ITGA4: variants seen among roughly 807,000 people sequenced by gnomAD.
The protein encoded by ITGA4 is integrin alpha-4.
In ITGA4, 63 loss-of-function variants were observed where a neutral mutation model predicts 133.6. The ratio of observed to expected loss-of-function variants is 0.47; its 90% CI spans 0.38 to 0.58. The LOEUF (loss-of-function observed/expected upper bound fraction) is 0.58, where lower values mean the gene tolerates loss of function less well. Among genes scored for constraint, ITGA4 ranks in the 20% least tolerant of loss-of-function variants. The pLI, the probability that ITGA4 is intolerant of heterozygous loss-of-function variation, is 0.00. For missense variants in ITGA4, 1,076 were observed against 1,252.7 expected, an observed-to-expected ratio of 0.86 and a Z score of 2.13; for synonymous variants, 483 against 438.0, an observed-to-expected ratio of 1.10 and a Z score of -1.28.
chr2:181,477,159 C>T (rs907736728), intron 4 of ITGA4, among the ~76,000 whole-genome samples: 1 of 152,032 alleles, frequency 6.6e-6, no homozygotes, highest in Non-Finnish European at 1.5e-5. Flanking sequence ...AATTGGCTAT[C>T]TGCGTGCAAA....
Position 181,534,272 on chromosome 2 carries a change from G to T in ITGA4, c.2785G>T (p.Asp929Tyr), listed in dbSNP as rs1687005028. Residue 929 changes from aspartate to tyrosine, a missense_variant and splice_region_variant, in exon 26 of 28, where the codon GAT becomes TAT. This residue lies in a region of ITGA4 where 193 missense variants were observed against 172.3 expected (regional missense o/e 1.12). Coordinates refer to ENST00000397033, the MANE Select transcript of ITGA4 (RefSeq NM_000885.6). Reference sequence around the variant, plus strand: ...TGGTGATCCTTCTTTTATTAAACAGGATGAGACTTCAGCACTCAAGTTTGA... The same window carrying T: ...TGGTGATCCTTCTTTTATTAAACAGTATGAGACTTCAGCACTCAAGTTTGA... ...LEGRPSILEM[D>Y]ETSALKFEIR... 6.3e-7 allele frequency: 1 copy of T among 1,580,852 alleles called. No homozygotes were observed. The highest frequency in any genetic ancestry group is 8.7e-7 in the Non-Finnish European group (1 of 1,150,304).
chr2:181,518,965 A>G (rs1200284954), intron 17 of ITGA4, among the ~76,000 whole-genome samples: 1 of 152,062 alleles, frequency 6.6e-6, no homozygotes, highest in African/African-American at 2.4e-5. Context: ...TCTCTCCTAG[A>G]TAGAAACAAA....
chr2:181,506,935 A>G (rs982260139), intron 15 of ITGA4, among the ~76,000 whole-genome samples: 6 of 152,146 alleles, frequency 3.9e-5, no homozygotes, highest in Non-Finnish European at 8.8e-5. Context: ...CTCATCTAGC[A>G]TAATATAAAC....
chr2:181,460,181 G>A (rs1685234025), intron 2 of ITGA4, among the ~76,000 whole-genome samples: 1 of 152,128 alleles, frequency 6.6e-6, no homozygotes, highest in Non-Finnish European at 1.5e-5. Context: ...CAAAATTTTG[G>A]CCAATCTACA....
chr2:181,478,708 A>AT (rs1159016269), intron 4 of ITGA4, 49 bp from the exon 5 acceptor site: 3 of 807,066 alleles, frequency 3.7e-6, no homozygotes, highest in Non-Finnish European at 5.8e-6. Flanking sequence ...AATTATGGAG[A>AT]TTTTATCTTT....
intron 24 of ITGA4, among the ~76,000 whole-genome samples, chr2:181,531,095 A>G (rs1340592857): frequency 6.6e-6 from 1 of 151,908 alleles, no homozygotes; most frequent in Admixed American, 6.6e-5. Flanking sequence ...AGCCTGGGTG[A>G]CAGAGCAAGA....
rs199807136 is a variant in ITGA4 at position 181,537,125 on chromosome 2, A to T, written c.*1598A>T. ...AACTTTATGACATTTATGTATTTTT[A>T]AAAAACTTTGTATCGTTATAAAAAG... On this transcript the variant is annotated 3_prime_UTR_variant, in exon 28 of 28. Coordinates refer to ENST00000397033, the MANE Select transcript of ITGA4 (RefSeq NM_000885.6). 2.3e-4 allele frequency: 102 copies of T among 453,154 alleles called. No homozygotes were observed. Among genetic ancestry groups the T allele is most frequent in the South Asian group, 1.3e-3 (85 of 64,308 alleles). The allele number at this position is 453,154 out of a possible 1,614,324, so 28.1% of individuals were successfully genotyped here. A position where few individuals can be genotyped will look rare whatever the true frequency, so the allele number is the denominator to read the frequency against.
intron 16 of ITGA4, 110 bp downstream of exon 16, chr2:181,509,917 A>T: frequency 1.4e-6 from 1 of 732,378 alleles, no homozygotes; most frequent in Non-Finnish European, 2.2e-6. Flanking sequence ...TAAAAATACG[A>T]ATTTTTAAAA....
intron 27 of ITGA4, 50 bp from the exon 28 acceptor site, chr2:181,535,382 A>C: frequency 7.2e-7 from 1 of 1,385,200 alleles, no homozygotes; most frequent in East Asian, 2.3e-5. Context: ...TATAGTAGAT[A>C]AGAGAGTGTT....
chr2:181,519,583 G>T (rs544729447), intron 17 of ITGA4, among the ~76,000 whole-genome samples: 2 of 152,166 alleles, frequency 1.3e-5, no homozygotes, highest in South Asian at 4.1e-4. Context: ...ATATTCCGAG[G>T]TTCATAAGAA....
At chr2:181,460,087 T>A (rs1685231680) in intron 2 of ITGA4, among the ~76,000 whole-genome samples, 1 of 152,202 alleles carries the variant, frequency 6.6e-6, no homozygotes, top group Non-Finnish European at 1.5e-5. Context: ...GATGAATGAA[T>A]AAAAGTGGAG....
rs1008305477 is a variant in ITGA4, at chr2:181,498,734, C to G, written c.1652C>G (p.Ser551Cys). The G allele has an allele frequency of 6.2e-7, 1 of 1,611,454 alleles. No individual in the cohort carries two copies. Among genetic ancestry groups the G allele is most frequent in the Non-Finnish European group, 8.5e-7 (1 of 1,178,620 alleles). ...GTGATTACAGGAAGCATACAGGTGTCCAGCAGAGAAGCTAACTGTAGAACA... is the reference window on the plus strand; with the variant it reads ...GTGATTACAGGAAGCATACAGGTGTGCAGCAGAGAAGCTAACTGTAGAACA... ...SDVITGSIQV[S>C]SREANCRTHQ... The change falls in exon 15 of 28, where the codon TCC becomes TGC. Residue 551 changes from serine (S) to cysteine (C), a missense_variant. Ser to Cys is a moderately radical substitution (Grantham distance 112). Around this residue, in one of 4 missense-constraint regions of ITGA4, gnomAD observed 365 missense variants for 421.4 expected, o/e 0.87. Coordinates refer to ENST00000397033, the MANE Select transcript of ITGA4 (RefSeq NM_000885.6).
intron 21 of ITGA4, among the ~76,000 whole-genome samples, chr2:181,525,772 C>T (rs1169965976): frequency 6.6e-6 from 1 of 152,172 alleles, no homozygotes; most frequent in East Asian, 1.9e-4. Context: ...ACTTTTTATA[C>T]CTATGGGATC....
At chr2:181,508,652 C>T (rs759696100) in intron 15 of ITGA4, among the ~76,000 whole-genome samples, 4 of 151,804 alleles carry the variant, frequency 2.6e-5, no homozygotes, top group Non-Finnish European at 5.9e-5. Context: ...GCTGAAATCA[C>T]GCCACTGCCC....
chr2:181,466,780 A>G (rs1024320877), intron 2 of ITGA4, among the ~76,000 whole-genome samples: 1 of 152,172 alleles, frequency 6.6e-6, no homozygotes, highest in Non-Finnish European at 1.5e-5. Context: ...GGCCATTTTA[A>G]TTAAAAAGCT....
At chr2:181,506,122 C>T (rs1025983410) in intron 15 of ITGA4, among the ~76,000 whole-genome samples, 1 of 152,022 alleles carries the variant, frequency 6.6e-6, no homozygotes, top group African/African-American at 2.4e-5. Context: ...TCCAAATCTT[C>T]TAAATACCGT....
At chr2:181,467,897 C>G (rs1472141195) in intron 2 of ITGA4, among the ~76,000 whole-genome samples, 1 of 152,168 alleles carries the variant, frequency 6.6e-6, no homozygotes, top group Non-Finnish European at 1.5e-5. Context: ...TACAGCAATC[C>G]TCTGCTACTA....
intron 2 of ITGA4, among the ~76,000 whole-genome samples, chr2:181,459,979 T>G (rs760036873): frequency 4.2e-5 from 6 of 142,528 alleles, no homozygotes; most frequent in Admixed American, 7.0e-5. Flanking sequence ...AGGAAAAAAT[T>G]GTTTGGGCAT....
intron 4 of ITGA4, among the ~76,000 whole-genome samples, chr2:181,476,710 A>C (rs1685684715): frequency 6.6e-6 from 1 of 152,178 alleles, no homozygotes; most frequent in African/African-American, 2.4e-5. Flanking sequence ...AAGACATGGA[A>C]TCAACCTAAA....
Sources: gnomAD v4.1 joint callset for allele counts (sites outside exome capture counted in the v4.1 genomes callset) on GRCh38, gnomAD v4.1.1 for gene constraint, gnomAD v4.1.1 regional missense constraint, MANE v1.5 for transcripts, NCBI Gene and HGNC (gene_info 2026-07-23, HGNC 2026-07-21) for gene names.